ZFYVE16: variants seen among roughly 807,000 people sequenced by gnomAD.
ZFYVE16 encodes the protein zinc finger FYVE domain-containing protein 16.
In ZFYVE16, 89 loss-of-function variants were observed where a neutral mutation model predicts 138.1. That is an observed-to-expected ratio of 0.64 (90% CI 0.54 to 0.77). ZFYVE16 has a LOEUF of 0.77. Among genes scored for constraint, ZFYVE16 ranks in the 30% least tolerant of loss-of-function variants. The pLI is 0.00. For synonymous variants in ZFYVE16, 596 were observed against 618.3 expected (o/e 0.96, Z 0.53); for missense variants, 1,793 against 1,786.7 (o/e 1.00, Z -0.06).
chr5:80,428,739 A>G (rs578133737), intron 2 of ZFYVE16, among the ~76,000 whole-genome samples: 2 of 152,302 alleles, frequency 1.3e-5, no homozygotes, highest in East Asian at 3.9e-4. Context: ...AACTAGAATA[A>G]CCCATGTAGA....
In ZFYVE16 at chr5:80,474,751, C is replaced by T. The variant is rs369005930; in HGVS notation, c.4382C>T (p.Ala1461Val). The T allele has an allele frequency of 7.6e-5, 123 of 1,613,792 alleles. 1 individual carries two copies. Among genetic ancestry groups the T allele is most frequent in the East Asian group, 1.1e-4 (5 of 44,884 alleles). The change falls in exon 18 of 19, where the codon GCG (alanine) becomes GTG (valine). Residue 1461 changes from alanine to valine, a missense_variant. By Grantham distance (64) the Ala-to-Val change is moderately conservative. Transcript: ENST00000505560. ...AKEIAMACSA[A>V]LCPHLKTLKS... ...GAAATAGCCATGGCTTGTAGTGCTG[C>T]GCTGTGCCCTCACCTGAAAACTCTA...
chr5:80,466,713 A>C (rs1198466286), intron 15 of ZFYVE16, among the ~76,000 whole-genome samples: 2 of 152,196 alleles, frequency 1.3e-5, no homozygotes, highest in Non-Finnish European at 1.5e-5. Flanking sequence ...GTGGAGGATG[A>C]CATTAGTGAA....
Position 80,434,237 on chromosome 5 carries a change from T to G in ZFYVE16, c.70+20T>G. 6.2e-7 allele frequency: 1 copy of G among 1,611,834 alleles called. No individual in the cohort carries two copies. Among genetic ancestry groups the G allele is most frequent in the Non-Finnish European group, 8.5e-7 (1 of 1,178,374 alleles). ...ACCCAGGTTTGTTGATTTTCCATTT[T>G]TGCCGCTAATGGGATTTAAAAATAT... On this transcript the variant is annotated intron_variant, in intron 3 of 18. Transcript: ENST00000505560.
chr5:80,446,611 A>G (rs1220897707), intron 7 of ZFYVE16, among the ~76,000 whole-genome samples: 1 of 152,144 alleles, frequency 6.6e-6, no homozygotes, highest in Non-Finnish European at 1.5e-5. Context: ...AATTCCCTGA[A>G]AGTGTCTTGG....
rs1755297583 is a variant in ZFYVE16, at chr5:80,482,221, T to C, written c.*4844T>C. ...TGAAATAAATGGAAAGCTAAAAGTC[T>C]CAGCATAGAAGCTATAAAAAGAAAC... On this transcript the variant is annotated 3_prime_UTR_variant, in exon 19 of 19. Transcript: ENST00000505560. 6.6e-6 allele frequency: 1 copy of C among 152,210 alleles called. No homozygotes were observed. Among genetic ancestry groups the C allele is most frequent in the South Asian group, 2.1e-4 (1 of 4,838 alleles). 9.4% of individuals were successfully genotyped at this position (152,210 alleles called of 1,614,324 possible). A position where few individuals can be genotyped will look rare whatever the true frequency, so the allele number is the denominator to read the frequency against.
At position 80,448,166 on chromosome 5, in the gene ZFYVE16, A is replaced by C; in HGVS notation, c.2865A>C (p.Gly955=). The change falls in exon 8 of 19, where the codon GGA becomes GGC. Residue 955 remains glycine, a synonymous_variant. Coordinates refer to ENST00000505560, the MANE Select transcript of ZFYVE16 (RefSeq NM_001284236.3). Reference sequence around the variant, plus strand: ...TGGAAAAATTGTCTATGAACACAGGAAATGAGGGGTTACCTACTTCTGGTT... The same window carrying C: ...TGGAAAAATTGTCTATGAACACAGGCAATGAGGGGTTACCTACTTCTGGTT... ...PSVEKLSMNT[G]NEGLPTSGSF... 1 of 1,613,998 alleles carries C rather than the reference A, an allele frequency of 6.2e-7. No homozygotes were observed. Among genetic ancestry groups the C allele is most frequent in the Non-Finnish European group, 8.5e-7 (1 of 1,179,966 alleles).
intron 1 of ZFYVE16, among the ~76,000 whole-genome samples, chr5:80,420,894 T>C (rs1388601885): frequency 3.9e-5 from 6 of 152,250 alleles, no homozygotes; most frequent in Non-Finnish European, 5.9e-5. Context: ...ATGGTTGAAC[T>C]AGTTTACAGT....
At chr5:80,470,376 C>G (rs1485700680) in intron 15 of ZFYVE16, among the ~76,000 whole-genome samples, 1 of 152,050 alleles carries the variant, frequency 6.6e-6, no homozygotes, top group African/African-American at 2.4e-5. Context: ...GCTGGGATTA[C>G]AGGCATGAGC....
In ZFYVE16 at chr5:80,437,469, C is replaced by G. The variant is rs765528462; in HGVS notation, c.784C>G (p.Leu262Val). ...SSKMFHAKDK[L>V]QHKSQPCGLL... Reference sequence around the variant, plus strand: ...CAAAATGTTTCATGCCAAAGACAAGCTACAACACAAGAGCCAGCCATGTGG... The same window carrying G: ...CAAAATGTTTCATGCCAAAGACAAGGTACAACACAAGAGCCAGCCATGTGG... Residue 262 changes from leucine (L) to valine (V), a missense_variant, in exon 4 of 19, where the codon CTA (leucine) becomes GTA (valine). Leu to Val is a conservative substitution (Grantham distance 32). Coordinates refer to ENST00000505560, the MANE Select transcript of ZFYVE16 (RefSeq NM_001284236.3). 21 of 1,606,542 alleles carry G rather than the reference C, an allele frequency of 1.3e-5. No homozygotes were observed. The highest frequency in any genetic ancestry group is 2.5e-6 in the Non-Finnish European group (3 of 1,177,144).
chr5:80,435,249 G>C (rs1749717012), intron 3 of ZFYVE16, among the ~76,000 whole-genome samples: 1 of 152,066 alleles, frequency 6.6e-6, no homozygotes, highest in African/African-American at 2.4e-5. Context: ...TGGCTAGGCT[G>C]GTCTCGAACT....
chr5:80,473,624 AGTTATTT>A (rs1372389536), intron 16 of ZFYVE16, 123 bp from the exon 17 acceptor site: 181 of 569,816 alleles, frequency 3.2e-4, no homozygotes, highest in Middle Eastern at 1.5e-3. Context: ...CTACAGATTT[AGTTATTT>A]TGTATATAAT....
intron 2 of ZFYVE16, among the ~76,000 whole-genome samples, chr5:80,428,886 C>G (rs991495942): frequency 3.9e-5 from 6 of 152,024 alleles, no homozygotes; most frequent in Non-Finnish European, 7.4e-5. Context: ...TGAAATGAAG[C>G]AAGAAGAGAA....
rs1347198580 is a variant in ZFYVE16, at chr5:80,436,979, A to G, written c.294A>G (p.Thr98=). 6.2e-7 allele frequency: 1 copy of G among 1,614,172 alleles called. No individual in the cohort carries two copies. The highest frequency in any genetic ancestry group is 8.5e-7 in the Non-Finnish European group (1 of 1,180,008). ...CTATACAAAATGAAAAAAATGTAACAGGACTTGATCTTCTTTCTTCTGTGG... is the reference window on the plus strand; with the variant it reads ...CTATACAAAATGAAAAAAATGTAACGGGACTTGATCTTCTTTCTTCTGTGG... ...LTSIQNEKNV[T]GLDLLSSVDG... The change falls in exon 4 of 19, where the codon ACA becomes ACG. Residue 98 remains threonine, a synonymous_variant. Coordinates refer to ENST00000505560, the MANE Select transcript of ZFYVE16 (RefSeq NM_001284236.3).
intron 1 of ZFYVE16, among the ~76,000 whole-genome samples, chr5:80,410,859 C>T (rs565793916): frequency 6.6e-6 from 1 of 150,906 alleles, no homozygotes; most frequent in Non-Finnish European, 1.5e-5. Context: ...CGAGCCACCT[C>T]ACCCGACCTT....
intron 2 of ZFYVE16, 44 bp from the exon 3 acceptor site, chr5:80,434,065 G>A (rs1398236902): frequency 1.5e-6 from 2 of 1,308,440 alleles, no homozygotes; most frequent in African/African-American, 3.0e-5. Flanking sequence ...CATAAAATTT[G>A]TTATGTAATT....
chr5:80,425,214 T>C (rs1424235895), intron 1 of ZFYVE16, among the ~76,000 whole-genome samples: 1 of 152,224 alleles, frequency 6.6e-6, no homozygotes, highest in Non-Finnish European at 1.5e-5. Context: ...AGTTTTTGTA[T>C]TTTTCTCTTC....
At position 80,477,388 on chromosome 5, in the gene ZFYVE16, T is replaced by C. The variant is rs1755023247; in HGVS notation, c.*11T>C. The C allele has an allele frequency of 6.2e-7, 1 of 1,601,496 alleles. No individual in the cohort carries two copies. Among genetic ancestry groups the C allele is most frequent in the Non-Finnish European group, 8.5e-7 (1 of 1,176,574 alleles). On this transcript the variant is annotated 3_prime_UTR_variant, in exon 19 of 19. Coordinates refer to ENST00000505560, the MANE Select transcript of ZFYVE16 (RefSeq NM_001284236.3). ...GAACATCTTTTTTAGTGAAAGAATG[T>C]GCCATATTACATATTGCAACCTAAT...
At chr5:80,457,834 G>C (rs1752678557) in intron 14 of ZFYVE16, among the ~76,000 whole-genome samples, 1 of 151,212 alleles carries the variant, frequency 6.6e-6, no homozygotes, top group Non-Finnish European at 1.5e-5. Context: ...AGACCATACT[G>C]GCTAATATGG....
At position 80,478,682 on chromosome 5, in the gene ZFYVE16, A is replaced by T. The variant is rs1294078701; in HGVS notation, c.*1305A>T. 6.6e-6 allele frequency: 1 copy of T among 152,128 alleles called. No individual in the cohort carries two copies. The highest frequency in any genetic ancestry group is 6.5e-5 in the Admixed American group (1 of 15,282). 9.4% of individuals were successfully genotyped at this position (152,128 alleles called of 1,614,324 possible). On this transcript the variant is annotated 3_prime_UTR_variant, in exon 19 of 19. Transcript: ENST00000505560. ...GTTTTAAGAAAAATATTTATGAAGC[A>T]TCTCAACTTGAAGATCAAGTCAAAG...
Sources: gnomAD v4.1 joint callset for allele counts (sites outside exome capture counted in the v4.1 genomes callset) on GRCh38, gnomAD v4.1.1 for gene constraint, MANE v1.5 for transcripts, NCBI Gene and HGNC (gene_info 2026-07-23, HGNC 2026-07-21) for gene names.